COPG1: variants seen among roughly 807,000 people sequenced by gnomAD.
COPG1 encodes coat protein complex I subunit gamma 1, also known as coatomer subunit gamma-1.
Under a neutral mutation model 102.8 loss-of-function variants are expected in COPG1, and 29 were observed. The observed-to-expected ratio is 0.28, with a 90% CI of 0.21 to 0.38. The LOEUF (loss-of-function observed/expected upper bound fraction) is 0.38. COPG1 is among the 10% of genes least tolerant of loss of function. COPG1 has a pLI of 1.00. For missense variants in COPG1, 875 were observed against 1,132.7 expected, an observed-to-expected ratio of 0.77 and a Z score of 3.27; for synonymous variants, 406 against 421.6, an observed-to-expected ratio of 0.96 and a Z score of 0.45.
At position 129,260,776 on chromosome 3, in the gene COPG1, C is replaced by T; in HGVS notation, c.1097C>T (p.Ser366Phe). Residue 366 changes from serine to phenylalanine, a missense_variant, in exon 12 of 24, where the codon TCC becomes TTC. Transcript: ENST00000314797. ...SIDRLMKQISSFMSEISDEFK... is the reference protein window; with the variant it reads ...SIDRLMKQISFFMSEISDEFK... ...GACCGCCTCATGAAGCAGATCTCCT[C>T]CTTCATGTCAGAAATCTCGGATGAA... 2 of 1,612,630 alleles carry T rather than the reference C, an allele frequency of 1.2e-6. No individual in the cohort carries two copies. Among genetic ancestry groups the T allele is most frequent in the South Asian group, 2.2e-5 (2 of 90,998 alleles).
intron 16 of COPG1, 149 bp downstream of exon 16, chr3:129,268,189 G>A (rs991802057): frequency 1.0e-4 from 69 of 682,344 alleles, no homozygotes; most frequent in Admixed American, 1.6e-4. Context: ...AGGAGGTCCC[G>A]GGTCATTCAG....
chr3:129,275,996 ACAG>A lies in COPG1; in HGVS notation c.2494+705_2494+707del, dbSNP rs1353582386. Among the ~76,000 whole-genome samples, 2 of 148,852 alleles carry A rather than the reference ACAG, an allele frequency of 1.3e-5. No homozygotes were observed. The highest frequency in any genetic ancestry group is 3.9e-4 in the East Asian group (2 of 5,138). On this transcript the variant is annotated intron_variant, in intron 23 of 23. Coordinates refer to ENST00000314797, the MANE Select transcript of COPG1 (RefSeq NM_016128.4). This position sits in a 1 kb window ranked among gnomAD's most constrained non-coding sequence, Gnocchi z 5.0. ...TACACACACACACACACACACACAC[ACAG>A]TTTACTTTGCATGTGTACACTGAGA...
rs770565274 is a variant in COPG1, at chr3:129,275,152, G to T, written c.2396-42G>T. The T allele has an allele frequency of 1.9e-5, 30 of 1,577,112 alleles. No homozygotes were observed. The highest frequency in any genetic ancestry group is 2.5e-5 in the Non-Finnish European group (29 of 1,146,944). On this transcript the variant is annotated intron_variant, in intron 22 of 23. Coordinates refer to ENST00000314797, the MANE Select transcript of COPG1 (RefSeq NM_016128.4). This position sits in a 1 kb window ranked among gnomAD's most constrained non-coding sequence, Gnocchi z 5.0. ...TGGGGGAGTGGTGGTGGCACAAAGG[G>T]CAGATAAGATGGCTTAACAATATTG...
intron 6 of COPG1, 114 bp from the exon 7 acceptor site, chr3:129,254,871 C>T: frequency 8.5e-7 from 1 of 1,180,450 alleles, no homozygotes; most frequent in South Asian, 1.3e-5. Context: ...TGTGCAGGAG[C>T]ACATGAGAAA....
At position 129,255,065 on chromosome 3, in the gene COPG1, C is replaced by T. The variant is rs756633636; in HGVS notation, c.480C>T (p.Leu160=). The T allele has an allele frequency of 6.2e-6, 10 of 1,613,448 alleles. No homozygotes were observed. Among genetic ancestry groups the T allele is most frequent in the East Asian group, 4.5e-5 (2 of 44,894 alleles). The stretch of plus-strand genomic sequence containing the variant: ...TGCCCAGTGTCTCCAGCTCTGCCCT[C>T]GTGTCTTCCTTGGTGTGTAGTTGCT... ...DKVPSVSSSA[L]VSSLHLLKCS... The change falls in exon 7 of 24, where the codon CTC becomes CTT. Residue 160 remains leucine, a synonymous_variant. Coordinates refer to ENST00000314797, the MANE Select transcript of COPG1 (RefSeq NM_016128.4).
At chr3:129,268,818 C>T in intron 17 of COPG1, 114 bp from the exon 18 acceptor site, 1 of 1,162,122 alleles carries the variant, frequency 8.6e-7, no homozygotes, top group Non-Finnish European at 1.3e-6. Flanking sequence ...TCTTCTGCTT[C>T]CCACTCTCAG....
In COPG1 at chr3:129,269,233, A is replaced by G. The variant is rs1047056697; in HGVS notation, c.1843+233A>G. Among the ~76,000 whole-genome samples, 7 of 152,332 alleles carry G rather than the reference A, an allele frequency of 4.6e-5. No individual in the cohort carries two copies. The South Asian group carries it at 1.4e-3, about 32-fold the overall frequency. ...AGGGGCTGGAATTAAGGTCCCGATC[A>G]AACTGGCTCAGTGCTGTTACTGGGC... is the stretch of plus-strand genomic sequence containing the variant. On this transcript the variant is annotated intron_variant, in intron 18 of 23. Coordinates refer to ENST00000314797, the MANE Select transcript of COPG1 (RefSeq NM_016128.4).
chr3:129,263,926 G>A lies in COPG1; in HGVS notation c.1151G>A (p.Ser384Asn), dbSNP rs1230011739. 6 of 1,614,150 alleles carry A rather than the reference G, an allele frequency of 3.7e-6. No homozygotes were observed. In the East Asian group the frequency reaches 1.3e-4, roughly 36 times the overall value. Reference sequence around the variant, plus strand: ...TAGGTGGTGGTTGTCCAGGCCATCAGTGCCCTGTGTCAGAAATATCCTCGC... The same window carrying A: ...TAGGTGGTGGTTGTCCAGGCCATCAATGCCCTGTGTCAGAAATATCCTCGC... ...EFKVVVVQAI[S>N]ALCQKYPRKH... The change falls in exon 13 of 24, where the codon AGT becomes AAT. Residue 384 changes from serine (S) to asparagine (N), a missense_variant. Physicochemically the swap from Ser to Asn is conservative, Grantham distance 46. Transcript: ENST00000314797.
intron 18 of COPG1, among the ~76,000 whole-genome samples, chr3:129,270,714 C>T (rs1430218330): frequency 6.6e-6 from 1 of 152,106 alleles, no homozygotes; most frequent in Non-Finnish European, 1.5e-5. Context: ...AAAAATAAGG[C>T]CTACCTTTCT....
intron 21 of COPG1, among the ~76,000 whole-genome samples, chr3:129,274,438 C>T (rs1269445141): frequency 6.6e-6 from 1 of 152,156 alleles, no homozygotes; most frequent in Non-Finnish European, 1.5e-5. Context: ...GAACTAGAAA[C>T]AGCTGCTGGT....
chr3:129,269,006 T>A lies in COPG1; in HGVS notation c.1843+6T>A. 1 of 1,613,592 alleles carries A rather than the reference T, an allele frequency of 6.2e-7. No homozygotes were observed. Among genetic ancestry groups the A allele is most frequent in the Non-Finnish European group, 8.5e-7 (1 of 1,179,634 alleles). On this transcript the variant is annotated splice_donor_region_variant and intron_variant, in intron 18 of 23. Transcript: ENST00000314797. Reference sequence around the variant, plus strand: ...CAGGCAGGAGATCTTCCAGGGTGAGTCACAGTGGTTGGGGGATGCTTGGGA... The same window carrying A: ...CAGGCAGGAGATCTTCCAGGGTGAGACACAGTGGTTGGGGGATGCTTGGGA...
At chr3:129,266,968 C>T in intron 14 of COPG1, 56 bp from the exon 15 acceptor site, 2 of 1,512,580 alleles carry the variant, frequency 1.3e-6, no homozygotes, top group Non-Finnish European at 1.8e-6. Context: ...TGGAAGTGCC[C>T]AAACAGTGAG....
chr3:129,250,671 C>T lies in COPG1; in HGVS notation c.38-11C>T, dbSNP rs756545541. On this transcript the variant is annotated splice_polypyrimidine_tract_variant and intron_variant, in intron 1 of 23. Coordinates refer to ENST00000314797, the MANE Select transcript of COPG1 (RefSeq NM_016128.4). ...GTCACAACCTACCTTCTCCATTGTC[C>T]TTGACCGTAGGTGGAGGCTCCAACC... 6.8e-6 allele frequency: 11 copies of T among 1,613,118 alleles called. No individual in the cohort carries two copies. The African/African-American group carries it at 8.0e-5, about 12-fold the overall frequency.
chr3:129,274,727 G>T, intron 21 of COPG1, 111 bp from the exon 22 acceptor site: 1 of 1,277,678 alleles, frequency 7.8e-7, no homozygotes. Flanking sequence ...AGTCCTCAGT[G>T]CCGAGCAAGC....
rs370430335 is a variant in COPG1, at chr3:129,257,691, C to T, written c.738-36C>T. 1.3e-5 allele frequency: 21 copies of T among 1,613,032 alleles called. No homozygotes were observed. In the African/African-American group the frequency reaches 2.8e-4, roughly 22 times the overall value. On this transcript the variant is annotated intron_variant, in intron 9 of 23. Transcript: ENST00000314797. ...ACTCATCCTACCATGCTGGGCCACC[C>T]CCAACGTTTTCTTGCCACCCTATGT...
chr3:129,250,809 C>G, intron 2 of COPG1, 75 bp downstream of exon 2: 1 of 1,276,342 alleles, frequency 7.8e-7, no homozygotes, highest in Non-Finnish European at 1.1e-6. Flanking sequence ...CCAACACATT[C>G]AAAGTGTTGT....
chr3:129,271,529 T>G lies in COPG1; in HGVS notation c.1844-238T>G, dbSNP rs1340524769. Among the ~76,000 whole-genome samples, 3 of 152,308 alleles carry G rather than the reference T, an allele frequency of 2.0e-5. No individual in the cohort carries two copies. Among genetic ancestry groups the G allele is most frequent in the South Asian group, 2.1e-4 (1 of 4,826 alleles). Reference sequence around the variant, plus strand: ...ATCAGTTTTTTGCTTCTGAGGTCTTTCATGGTACAGAGATGGGGAGAGTAT... The same window carrying G: ...ATCAGTTTTTTGCTTCTGAGGTCTTGCATGGTACAGAGATGGGGAGAGTAT... On this transcript the variant is annotated intron_variant, in intron 18 of 23. Coordinates refer to ENST00000314797, the MANE Select transcript of COPG1 (RefSeq NM_016128.4). The surrounding 1 kb of genome is among the most constrained non-coding windows in gnomAD (Gnocchi z 4.7).
chr3:129,255,743 A>G (rs1939797491), intron 7 of COPG1, among the ~76,000 whole-genome samples: 3 of 152,082 alleles, frequency 2.0e-5, no homozygotes. Flanking sequence ...TCGGCCTCCC[A>G]AAGTGCTGGG....
At chr3:129,269,139 C>A (rs1940128364) in intron 18 of COPG1, 139 bp downstream of exon 18, 2 of 716,246 alleles carry the variant, frequency 2.8e-6, no homozygotes, top group Non-Finnish European at 2.4e-6. Context: ...ACATTTGACC[C>A]TCAGGTGGTG....
Sources: gnomAD v4.1 joint callset for allele counts (sites outside exome capture counted in the v4.1 genomes callset) on GRCh38, gnomAD v4.1.1 for gene constraint, Gnocchi (gnomAD v3.1) non-coding constraint, MANE v1.5 for transcripts, NCBI Gene and HGNC (gene_info 2026-07-23, HGNC 2026-07-21) for gene names.